The following PPP2R2B variants were observed in gnomAD, a reference collection of about 807,000 sequenced individuals.
PPP2R2B encodes serine/threonine-protein phosphatase 2A 55 kDa regulatory subunit B beta isoform.
Under a neutral mutation model 46.0 loss-of-function variants are expected in PPP2R2B, and 5 were observed. The observed-to-expected ratio is 0.11, with a 90% CI of 0.06 to 0.23. The LOEUF (loss-of-function observed/expected upper bound fraction) is 0.23. Ranked by LOEUF, PPP2R2B falls within the 10% of genes least tolerant of loss-of-function variation. The pLI, the probability that PPP2R2B is intolerant of heterozygous loss-of-function variation, is 1.00. For missense variants in PPP2R2B, 367 were observed against 575.0 expected (o/e 0.64, Z 3.70); for synonymous variants, 215 against 206.7 (o/e 1.04, Z -0.34).
intron 2 of PPP2R2B, among the ~76,000 whole-genome samples, chr5:146,747,970 G>A (rs1043787526): frequency 1.3e-5 from 2 of 152,142 alleles, no homozygotes; most frequent in African/African-American, 4.8e-5. Flanking sequence ...TTTAACCCGA[G>A]ATGTTCCAGG....
intron 1 of PPP2R2B, among the ~76,000 whole-genome samples, chr5:147,034,175 T>C (rs1206604391): frequency 6.6e-6 from 1 of 152,120 alleles, no homozygotes; most frequent in East Asian, 1.9e-4. Flanking sequence ...TTTACTTGCT[T>C]TTCCCTCTGT....
At chr5:147,036,945 G>T (rs558367826) in intron 1 of PPP2R2B, among the ~76,000 whole-genome samples, 5 of 152,134 alleles carry the variant, frequency 3.3e-5, no homozygotes, top group Non-Finnish European at 5.9e-5. Flanking sequence ...CAGAAATTTT[G>T]CTAACCCCTC....
chr5:146,776,425 G>T (rs1755185960), intron 2 of PPP2R2B, among the ~76,000 whole-genome samples: 1 of 151,998 alleles, frequency 6.6e-6, no homozygotes, highest in Admixed American at 6.6e-5. Flanking sequence ...AACAAATGGT[G>T]CTAGGAAAAA....
intron 2 of PPP2R2B, among the ~76,000 whole-genome samples, chr5:146,800,456 A>G (rs1421016006): frequency 1.3e-5 from 2 of 152,094 alleles, no homozygotes; most frequent in Admixed American, 1.3e-4. Context: ...TGTCTCTACC[A>G]AATTAATTTT....
intron 1 of PPP2R2B, among the ~76,000 whole-genome samples, chr5:146,994,474 C>T (rs932284517): frequency 3.9e-5 from 6 of 152,072 alleles, no homozygotes; most frequent in Admixed American, 2.0e-4. Flanking sequence ...CAGAAAGGAA[C>T]AGAAGGCCCC....
intron 2 of PPP2R2B, among the ~76,000 whole-genome samples, chr5:146,760,150 T>C (rs1242248834): frequency 2.0e-5 from 3 of 152,216 alleles, no homozygotes; most frequent in Admixed American, 1.3e-4. Flanking sequence ...TCAGCTGTTG[T>C]GTAATAACAT....
At chr5:146,709,053 TTC>T (rs1214255345) in intron 2 of PPP2R2B, among the ~76,000 whole-genome samples, 2 of 152,240 alleles carry the variant, frequency 1.3e-5, no homozygotes, top group African/African-American at 4.8e-5. Context: ...GTGTAATACG[TTC>T]TGTTTGATCC....
chr5:147,077,692 C>A (rs1580892704), intron 2 of PPP2R2B, among the ~76,000 whole-genome samples: 2 of 152,240 alleles, frequency 1.3e-5, no homozygotes, highest in East Asian at 3.9e-4. Context: ...CAGGGAACCT[C>A]CATGCCAGTG....
At position 146,878,555 on chromosome 5, in the gene PPP2R2B, C is replaced by T; in HGVS notation, c.-125+36G>A. On this transcript the variant is annotated intron_variant, in intron 1 of 9. Transcript: ENST00000394411. This position sits in a 1 kb window ranked among gnomAD's most constrained non-coding sequence, Gnocchi z 4.5. ...ATGGTGCCTTTCTGGACCCGAGCTG[C>T]AGTGGCGAGATGGCAGGGACAGGAT... is the stretch of plus-strand genomic sequence containing the variant. 1 of 1,255,452 alleles carries T rather than the reference C, an allele frequency of 8.0e-7. No homozygotes were observed. Among genetic ancestry groups the T allele is most frequent in the Non-Finnish European group, 1.0e-6 (1 of 980,196 alleles). 77.8% of individuals were successfully genotyped at this position (1,255,452 alleles called of 1,614,324 possible).
At chr5:146,917,957 T>C (rs1188298624) in intron 1 of PPP2R2B, 1 of 152,202 alleles carries the variant, frequency 6.6e-6, no homozygotes, top group Middle Eastern at 3.2e-3. Flanking sequence ...TACATGTCAT[T>C]ATGCAAGCTA....
chr5:146,696,322 T>C (rs7723449), intron 4 of PPP2R2B, among the ~76,000 whole-genome samples: 27,467 of 152,120 alleles, frequency 0.18, 2,657 homozygotes, highest in East Asian at 0.31. Context: ...GCCAGGATGG[T>C]CTCGATCTCC....
At chr5:146,733,918 G>A (rs1190072704) in intron 2 of PPP2R2B, among the ~76,000 whole-genome samples, 1 of 152,026 alleles carries the variant, frequency 6.6e-6, no homozygotes, top group Non-Finnish European at 1.5e-5. Context: ...CAATAATAAC[G>A]GCAGTAGTAG....
At chr5:146,901,357 T>G (rs1003192168) in intron 1 of PPP2R2B, among the ~76,000 whole-genome samples, 5 of 151,924 alleles carry the variant, frequency 3.3e-5, no homozygotes, top group Admixed American at 2.0e-4. Context: ...AAAGAAAAAT[T>G]AGCCAGGTGT....
At chr5:146,667,336 A>ATG (rs1561816315) in intron 5 of PPP2R2B, among the ~76,000 whole-genome samples, 2 of 64,612 alleles carry the variant, frequency 3.1e-5, no homozygotes, top group African/African-American at 2.0e-4. Flanking sequence ...GCGCGCGCAC[A>ATG]CACACACACA....
chr5:146,862,398 A>G (rs1761057589), intron 2 of PPP2R2B, among the ~76,000 whole-genome samples: 1 of 152,184 alleles, frequency 6.6e-6, no homozygotes, highest in Non-Finnish European at 1.5e-5. Flanking sequence ...CTTGTTGGGG[A>G]GATGACGTGC....
intron 1 of PPP2R2B, among the ~76,000 whole-genome samples, chr5:146,885,670 A>C (rs1446445103): frequency 6.6e-6 from 1 of 152,260 alleles, no homozygotes; most frequent in Non-Finnish European, 1.5e-5. Flanking sequence ...TTGAACACAA[A>C]TGTTCATGTA....
chr5:147,065,223 A>C (rs1001802897), intron 2 of PPP2R2B, among the ~76,000 whole-genome samples: 1 of 152,216 alleles, frequency 6.6e-6, no homozygotes, highest in East Asian at 1.9e-4. Flanking sequence ...CAAGGGCCAC[A>C]AAGCTCAGAG....
intron 5 of PPP2R2B, among the ~76,000 whole-genome samples, chr5:146,680,794 C>T (rs776448076): frequency 1.3e-5 from 2 of 152,190 alleles, no homozygotes; most frequent in Non-Finnish European, 2.9e-5. Flanking sequence ...CCACCTTCTT[C>T]CACCCAAACA....
At position 146,587,106 on chromosome 5, in the gene PPP2R2B, AG is replaced by A. The variant is rs1770202562; in HGVS notation, c.*2840del. 1 of 152,238 alleles carries A rather than the reference AG, an allele frequency of 6.6e-6. No homozygotes were observed. Among genetic ancestry groups the A allele is most frequent in the Non-Finnish European group, 1.5e-5 (1 of 68,044 alleles). The allele number at this position is 152,238 out of a possible 1,614,324, so 9.4% of individuals were successfully genotyped here. A position where few individuals can be genotyped will look rare whatever the true frequency, so the allele number is the denominator to read the frequency against. On this transcript the variant is annotated 3_prime_UTR_variant, in exon 10 of 10. Transcript: ENST00000394411. ...CCTTAGAATCGAACCAACTGTTGCA[AG>A]GTAGCAAATCAGCCTTCAAGTAGTT...
Sources: allele counts gnomAD v4.1 joint callset (sites outside exome capture counted in the v4.1 genomes callset), GRCh38; gene constraint gnomAD v4.1.1; non-coding constraint Gnocchi (gnomAD v3.1); transcripts MANE v1.5; gene names NCBI Gene and HGNC (gene_info 2026-07-23, HGNC 2026-07-21).